Variants in RNLS observed in about 807,000 individuals in gnomAD.
The protein encoded by RNLS is renalase, FAD dependent amine oxidase, also known as renalase.
A neutral mutation model predicts 39.8 loss-of-function variants in RNLS; 39 were observed. The observed-to-expected ratio is 0.98, with a 90% confidence interval of 0.76 to 1.28. The LOEUF (loss-of-function observed/expected upper bound fraction) is 1.28. Ranked by LOEUF, RNLS falls within the 50% of genes most tolerant of loss-of-function variation. The pLI is 0.00. For missense variants in RNLS, 410 were observed against 413.3 expected (o/e 0.99, Z 0.07); for synonymous variants, 147 against 150.7 (o/e 0.98, Z 0.18).
chr10:88,202,258 T>C, the RNLS span, among the ~76,000 whole-genome samples: 1 of 122,170 alleles, frequency 8.2e-6, no homozygotes, highest in South Asian at 2.6e-4. Flanking sequence ...TGAGAACACA[T>C]GGACACAGGA....
the RNLS span, among the ~76,000 whole-genome samples, chr10:88,200,500 A>G: frequency 6.6e-6 from 1 of 152,170 alleles, no homozygotes; most frequent in East Asian, 1.9e-4. Flanking sequence ...ACTCTACCAC[A>G]TTGCTTTCTT....
chr10:88,404,144 A>C (rs956178075), intron 4 of RNLS, among the ~76,000 whole-genome samples: 5 of 152,126 alleles, frequency 3.3e-5, no homozygotes, highest in African/African-American at 1.2e-4. Context: ...GTTTTCTGTT[A>C]AATTCCTTTA....
intron 4 of RNLS, among the ~76,000 whole-genome samples, chr10:88,416,637 A>C (rs1854047018): frequency 6.6e-6 from 1 of 152,098 alleles, no homozygotes; most frequent in African/African-American, 2.4e-5. Flanking sequence ...CTTTCTTCAA[A>C]TGTTTTACAA....
intron 4 of RNLS, among the ~76,000 whole-genome samples, chr10:88,563,282 C>G (rs938374017): frequency 1.6e-4 from 24 of 152,102 alleles, no homozygotes; most frequent in Non-Finnish European, 2.9e-4. Flanking sequence ...GGGCTTTATT[C>G]TACTCTACAT....
the RNLS span, among the ~76,000 whole-genome samples, chr10:88,242,959 A>G: frequency 2.6e-5 from 4 of 151,796 alleles, no homozygotes; most frequent in Non-Finnish European, 4.4e-5. Flanking sequence ...ACAAACAAAC[A>G]AACAAACAAA....
chr10:88,386,224 A>G (rs1332794388), intron 4 of RNLS, among the ~76,000 whole-genome samples: 1 of 152,246 alleles, frequency 6.6e-6, no homozygotes, highest in Admixed American at 6.5e-5. Context: ...CCATGTTATC[A>G]GAAAAGCTAC....
At chr10:88,406,569 G>A (rs748854414) in intron 4 of RNLS, among the ~76,000 whole-genome samples, 6 of 152,008 alleles carry the variant, frequency 3.9e-5, no homozygotes, top group Non-Finnish European at 5.9e-5. Flanking sequence ...AAAGTTTCCT[G>A]ATGTGGTGAT....
At chr10:88,179,791 T>C in the RNLS span, among the ~76,000 whole-genome samples, 1,676 of 152,312 alleles carry the variant, frequency 0.011, 32 homozygotes, top group African/African-American at 0.038. Flanking sequence ...CAGTCTATTC[T>C]TAGGTAGAAA....
In RNLS at chr10:88,285,434, C is replaced by T. The variant is rs757999439; in HGVS notation, c.949G>A (p.Asp317Asn). 9 of 1,613,172 alleles carry T rather than the reference C, an allele frequency of 5.6e-6. No individual in the cohort carries two copies. In the African/African-American group the frequency reaches 6.7e-5, roughly 12 times the overall value. The change falls in exon 7 of 7, where the codon GAT becomes AAT. Residue 317 changes from aspartate (D) to asparagine (N), a missense_variant. Physicochemically the swap from Asp to Asn is conservative, Grantham distance 23. Coordinates refer to ENST00000331772, the MANE Select transcript of RNLS (RefSeq NM_001031709.3). ...HHKPFLACGG[D>N]GFTQSNFDGC... The stretch of plus-strand genomic sequence containing the variant: ...TCAAAGTTGGACTGAGTAAATCCAT[C>T]CCCTCCACATGCAAGGAAAGGTTTG...
the RNLS span, among the ~76,000 whole-genome samples, chr10:88,184,292 C>G: frequency 6.6e-6 from 1 of 152,126 alleles, no homozygotes; most frequent in African/African-American, 2.4e-5. Flanking sequence ...CTACCCAGGC[C>G]TTGATCACTC....
chr10:88,258,083 C>T, the RNLS span, among the ~76,000 whole-genome samples: 1 of 152,268 alleles, frequency 6.6e-6, no homozygotes, highest in East Asian at 1.9e-4. Flanking sequence ...TCTGTGGGTG[C>T]CAGTTTCCTC....
chr10:88,208,804 C>G, the RNLS span, among the ~76,000 whole-genome samples: 1 of 152,094 alleles, frequency 6.6e-6, no homozygotes, highest in Non-Finnish European at 1.5e-5. Flanking sequence ...TTGAATCTGT[C>G]ATGGCCAGAT....
At chr10:88,550,725 G>A (rs749077181) in intron 4 of RNLS, among the ~76,000 whole-genome samples, 11 of 152,258 alleles carry the variant, frequency 7.2e-5, no homozygotes, top group Non-Finnish European at 1.3e-4. Flanking sequence ...CACATTTTCT[G>A]ATATCTACAT....
intron 6 of RNLS, among the ~76,000 whole-genome samples, chr10:88,303,625 G>A (rs1844696490): frequency 6.6e-6 from 1 of 152,170 alleles, no homozygotes; most frequent in South Asian, 2.1e-4. Context: ...GCCGGTGCAT[G>A]TCTGTATGGG....
the RNLS span, among the ~76,000 whole-genome samples, chr10:88,249,413 A>G: frequency 1.3e-5 from 2 of 152,158 alleles, no homozygotes; most frequent in Non-Finnish European, 2.9e-5. Flanking sequence ...TCTGATTACT[A>G]TTGCTGTGTA....
At chr10:88,537,132 A>G (rs1410476137) in intron 4 of RNLS, among the ~76,000 whole-genome samples, 1 of 152,198 alleles carries the variant, frequency 6.6e-6, no homozygotes, top group South Asian at 2.1e-4. Flanking sequence ...TCCAGTAGCT[A>G]TTTTATGAGT....
At chr10:88,392,449 T>C (rs1219271240) in intron 4 of RNLS, among the ~76,000 whole-genome samples, 1 of 152,212 alleles carries the variant, frequency 6.6e-6, no homozygotes, top group Non-Finnish European at 1.5e-5. Context: ...TCATACTGCC[T>C]GCTGGAGTGT....
At chr10:88,504,520 T>C (rs1030862258) in intron 4 of RNLS, among the ~76,000 whole-genome samples, 1 of 152,122 alleles carries the variant, frequency 6.6e-6, no homozygotes, top group Non-Finnish European at 1.5e-5. Flanking sequence ...TCCATTTTTA[T>C]GTAGTTTTAA....
intron 5 of RNLS, among the ~76,000 whole-genome samples, chr10:88,350,495 C>T (rs1848613472): frequency 6.6e-6 from 1 of 152,004 alleles, no homozygotes; most frequent in African/African-American, 2.4e-5. Context: ...GGTTTTTTGT[C>T]CTTGCGATAG....
Sources: gnomAD v4.1 joint callset for allele counts (sites outside exome capture counted in the v4.1 genomes callset) on GRCh38, gnomAD v4.1.1 for gene constraint, MANE v1.5 for transcripts, NCBI Gene and HGNC (gene_info 2026-07-23, HGNC 2026-07-21) for gene names.